Variants in CSMD3 observed in about 807,000 individuals in gnomAD.
The protein encoded by CSMD3 is CUB and sushi domain-containing protein 3.
CSMD3 carries 177 observed loss-of-function variants against 435.2 expected under a neutral mutation model. That is an observed-to-expected ratio of 0.41 (90% CI 0.36 to 0.46). The LOEUF is 0.46. Among genes scored for constraint, CSMD3 ranks in the 20% least tolerant of loss-of-function variants. The probability of loss-of-function intolerance (pLI) is 0.34; values close to 1 mark genes in which losing one functional copy is unlikely to be tolerated. For missense variants in CSMD3, 4,265 were observed against 4,504.6 expected, an observed-to-expected ratio of 0.95 and a Z score of 1.52; for synonymous variants, 1,656 against 1,520.5, an observed-to-expected ratio of 1.09 and a Z score of -2.07.
At position 113,316,799 on chromosome 8, in the gene CSMD3, C is replaced by G. The variant is rs534057548; in HGVS notation, c.179-2006G>C. Among the ~76,000 whole-genome samples the G allele has an allele frequency of 1.7e-4, 10 of 57,932 alleles. No homozygotes were observed. In the East Asian group the frequency reaches 6.5e-3, roughly 37 times the overall value. 38.0% of individuals were successfully genotyped at this position (57,932 alleles called of 152,430 possible). A position where few individuals can be genotyped will look rare whatever the true frequency, so the allele number is the denominator to read the frequency against. On this transcript the variant is annotated intron_variant, in intron 1 of 70. Coordinates refer to ENST00000297405, the MANE Select transcript of CSMD3 (RefSeq NM_198123.2). ...TACTGACCTAAAGTAAACCACCCACCTCAGCCTCCAAAAATGCTGGATTAC... is the reference window on the plus strand; with the variant it reads ...TACTGACCTAAAGTAAACCACCCACGTCAGCCTCCAAAAATGCTGGATTAC...
chr8:113,082,597 T>G (rs1027319587), intron 5 of CSMD3, among the ~76,000 whole-genome samples: 1 of 151,842 alleles, frequency 6.6e-6, no homozygotes, highest in African/African-American at 2.4e-5. Context: ...AAAAGGAAAT[T>G]TGACACCTCC....
At chr8:113,240,442 C>A (rs1312201489) in intron 3 of CSMD3, among the ~76,000 whole-genome samples, 1 of 152,122 alleles carries the variant, frequency 6.6e-6, no homozygotes, top group Non-Finnish European at 1.5e-5. Context: ...CATTGTCTTC[C>A]ACAGTGGCTT....
intron 4 of CSMD3, among the ~76,000 whole-genome samples, chr8:113,123,663 A>G (rs1340618723): frequency 6.6e-6 from 1 of 151,942 alleles, no homozygotes; most frequent in Non-Finnish European, 1.5e-5. Context: ...TCTAGTCCTG[A>G]GCATCAGGAA....
At chr8:112,562,856 C>A (rs995109483) in intron 24 of CSMD3, among the ~76,000 whole-genome samples, 1 of 151,510 alleles carries the variant, frequency 6.6e-6, no homozygotes, top group Non-Finnish European at 1.5e-5. Flanking sequence ...CTTTTATTAA[C>A]ATATATGGCA....
intron 13 of CSMD3, among the ~76,000 whole-genome samples, chr8:112,751,453 T>C (rs376428178): frequency 1.8e-4 from 27 of 152,254 alleles, no homozygotes; most frequent in African/African-American, 6.5e-4. Flanking sequence ...ATAAATACTA[T>C]ATGATTGAAA....
intron 13 of CSMD3, among the ~76,000 whole-genome samples, chr8:112,723,334 G>A (rs2076900178): frequency 6.6e-6 from 1 of 152,054 alleles, no homozygotes; most frequent in African/African-American, 2.4e-5. Flanking sequence ...TGCCTCCAAT[G>A]GGTCAAAATA....
At chr8:112,570,955 C>A (rs894026070) in intron 24 of CSMD3, among the ~76,000 whole-genome samples, 5 of 152,106 alleles carry the variant, frequency 3.3e-5, no homozygotes, top group African/African-American at 1.2e-4. Flanking sequence ...CTGTAGTTTC[C>A]AGTCTCCATA....
chr8:112,246,943 G>A (rs1039637457), intron 64 of CSMD3, 77 bp downstream of exon 64: 13 of 957,314 alleles, frequency 1.4e-5, no homozygotes, highest in Admixed American at 1.1e-4. Flanking sequence ...AGATGTAAAT[G>A]TATTTGAATA....
At chr8:112,614,529 C>A (rs1279206228) in intron 22 of CSMD3, among the ~76,000 whole-genome samples, 1 of 151,972 alleles carries the variant, frequency 6.6e-6, no homozygotes, top group Admixed American at 6.6e-5. Context: ...TCCCCCACTC[C>A]CAGGGCCGTT....
At chr8:113,319,054 G>A (rs1044707525) in intron 1 of CSMD3, among the ~76,000 whole-genome samples, 2 of 151,790 alleles carry the variant, frequency 1.3e-5, no homozygotes. Flanking sequence ...TCTCATTTTG[G>A]TATATACCTG....
At chr8:112,339,175 T>C (rs572181012) in intron 42 of CSMD3, among the ~76,000 whole-genome samples, 2 of 152,234 alleles carry the variant, frequency 1.3e-5, no homozygotes, top group Non-Finnish European at 2.9e-5. Context: ...ATCAGACTGA[T>C]TGCAGGCCGA....
chr8:112,705,876 T>C (rs576274652), intron 13 of CSMD3, among the ~76,000 whole-genome samples: 8 of 152,236 alleles, frequency 5.3e-5, no homozygotes, highest in African/African-American at 1.9e-4. Flanking sequence ...TATTATAGTT[T>C]AGACTATTAA....
intron 31 of CSMD3, among the ~76,000 whole-genome samples, chr8:112,489,840 G>A (rs1172124534): frequency 2.0e-5 from 3 of 151,854 alleles, no homozygotes; most frequent in African/African-American, 4.8e-5. Flanking sequence ...AATTTTATTC[G>A]ATTTCCATAA....
intron 13 of CSMD3, among the ~76,000 whole-genome samples, chr8:112,696,398 C>T (rs919094486): frequency 1.3e-5 from 2 of 152,040 alleles, no homozygotes; most frequent in Non-Finnish European, 2.9e-5. Context: ...TGGAACAGAA[C>T]AGAGCCCTCA....
intron 3 of CSMD3, among the ~76,000 whole-genome samples, chr8:113,253,234 C>CT (rs200318989): frequency 3.4e-5 from 5 of 148,328 alleles, no homozygotes; most frequent in African/African-American, 7.4e-5. Flanking sequence ...AAAAAACTGA[C>CT]TTTTTTTTTT....
chr8:112,378,545 G>T (rs62514452), intron 38 of CSMD3, among the ~76,000 whole-genome samples: 29,007 of 152,058 alleles, frequency 0.19, 3,191 homozygotes, highest in Middle Eastern at 0.35. Context: ...GTTACGTTAA[G>T]TGAAATGAGC....
intron 24 of CSMD3, among the ~76,000 whole-genome samples, chr8:112,572,760 G>A (rs905678656): frequency 2.0e-5 from 3 of 151,958 alleles, no homozygotes; most frequent in African/African-American, 7.2e-5. Context: ...TGTTTTACTC[G>A]CACTTTAATT....
Position 112,859,238 on chromosome 8 carries a change from T to A in CSMD3, c.1662A>T (p.Gly554=), listed in dbSNP as rs369888698. ...TGGGAGATGTAAAGGTACCACTTGG[T>A]CCTTGAAGATTAGAGCCACACGTTT... The part of the protein sequence containing the change: ...KVKTCGSNLQ[G]PSGTFTSPNF... The change falls in exon 11 of 71, where the codon GGA becomes GGT. Residue 554 remains glycine, a synonymous_variant. Coordinates refer to ENST00000297405, the MANE Select transcript of CSMD3 (RefSeq NM_198123.2). 1.9e-6 allele frequency: 3 copies of A among 1,611,072 alleles called. No homozygotes were observed. The African/African-American group carries it at 4.0e-5, about 22-fold the overall frequency.
At position 112,980,284 on chromosome 8, in the gene CSMD3, T is replaced by C. The variant is rs11997841; in HGVS notation, c.1031-4136A>G. Among the ~76,000 whole-genome samples, 431 of 151,162 alleles carry C rather than the reference T, an allele frequency of 2.9e-3. 2 individuals carry two copies. The highest frequency in any genetic ancestry group is 9.7e-3 in the African/African-American group (401 of 41,504). On this transcript the variant is annotated intron_variant, in intron 6 of 70. Transcript: ENST00000297405. ...AGATATGCATGGATGACCCAAAATA[T>C]ATAAGAACATGTAAAAATAACTACA...
Sources: gnomAD v4.1 joint callset for allele counts (sites outside exome capture counted in the v4.1 genomes callset) on GRCh38, gnomAD v4.1.1 for gene constraint, MANE v1.5 for transcripts, NCBI Gene and HGNC (gene_info 2026-07-23, HGNC 2026-07-21) for gene names.